CDH11: variants seen among roughly 807,000 people sequenced by gnomAD.
CDH11 encodes cadherin-11.
A neutral mutation model predicts 67.8 loss-of-function variants in CDH11; 11 were observed. The observed-to-expected ratio is 0.16, with a 90% confidence interval of 0.10 to 0.27. The LOEUF is 0.27. Ranked by LOEUF, CDH11 falls within the 10% of genes least tolerant of loss-of-function variation. CDH11 has a pLI of 1.00. For synonymous variants in CDH11, 419 were observed against 400.0 expected (o/e 1.05, Z -0.57); for missense variants, 847 against 1,031.2 (o/e 0.82, Z 2.45).
At chr16:64,982,421 T>C in intron 7 of CDH11, 120 bp from the exon 8 acceptor site, 1 of 777,722 alleles carries the variant, frequency 1.3e-6, no homozygotes. Context: ...CAGAGTCTAC[T>C]CAATTTCCAA....
intron 2 of CDH11, among the ~76,000 whole-genome samples, chr16:65,021,421 C>G (rs1597101578): frequency 6.6e-6 from 1 of 152,114 alleles, no homozygotes; most frequent in East Asian, 1.9e-4. Flanking sequence ...CTTACATCCT[C>G]TCATATGAGT....
chr16:64,945,804 A>G lies in CDH11; in HGVS notation c.*1799T>C. On this transcript the variant is annotated 3_prime_UTR_variant, in exon 13 of 13. Transcript: ENST00000268603. ...AATCATAAAAATAGTACATAACATG[A>G]TATCAAGAAATGCTTGAAACAAACT... 1 of 1,047,356 alleles carries G rather than the reference A, an allele frequency of 9.5e-7. No individual in the cohort carries two copies. Among genetic ancestry groups the G allele is most frequent in the African/African-American group, 1.7e-5 (1 of 60,184 alleles). 64.9% of individuals were successfully genotyped at this position (1,047,356 alleles called of 1,614,324 possible).
At chr16:64,982,403 G>C (rs1340881128) in intron 7 of CDH11, 102 bp from the exon 8 acceptor site, 14 of 851,800 alleles carry the variant, frequency 1.6e-5, no homozygotes, top group Admixed American at 5.1e-5. Flanking sequence ...TCCTCAAAGA[G>C]AGAAAATCAG....
intron 2 of CDH11, among the ~76,000 whole-genome samples, chr16:65,035,235 G>GAT (rs2073729713): frequency 6.6e-6 from 1 of 152,222 alleles, no homozygotes; most frequent in Non-Finnish European, 1.5e-5. Flanking sequence ...CAGGGAGTGT[G>GAT]CCCAGGGCTT....
At position 64,945,651 on chromosome 16, in the gene CDH11, A is replaced by T. The variant is rs1596996187; in HGVS notation, c.*1952T>A. On this transcript the variant is annotated 3_prime_UTR_variant, in exon 13 of 13. Coordinates refer to ENST00000268603, the MANE Select transcript of CDH11 (RefSeq NM_001797.4). ...AATGTGTAATCCTTCACTGAGATGA[A>T]AGATTCTAAAGTGACATTGTCCACA... 9.6e-7 allele frequency: 1 copy of T among 1,036,950 alleles called. No individual in the cohort carries two copies. The highest frequency in any genetic ancestry group is 1.2e-6 in the Non-Finnish European group (1 of 861,112). 64.2% of individuals were successfully genotyped at this position (1,036,950 alleles called of 1,614,324 possible). A position where few individuals can be genotyped will look rare whatever the true frequency, so the allele number is the denominator to read the frequency against.
intron 11 of CDH11, among the ~76,000 whole-genome samples, chr16:64,956,146 C>A (rs2071504852): frequency 1.3e-5 from 2 of 152,316 alleles, no homozygotes; most frequent in South Asian, 4.1e-4. Context: ...TGGGGTCAAA[C>A]AGACCTGGGT....
At chr16:64,962,479 A>G (rs2071698291) in intron 11 of CDH11, among the ~76,000 whole-genome samples, 1 of 152,142 alleles carries the variant, frequency 6.6e-6, no homozygotes, top group Non-Finnish European at 1.5e-5. Context: ...CTGGGGTAGA[A>G]AAACCTGAAC....
rs768824765 is a variant in CDH11 at position 64,992,973 on chromosome 16, G to T, written c.585C>A (p.Ala195=). ...DADDPTYGNS[A]KLVYSILEGQ... is the part of the protein sequence containing the mutation. ...CTTCGAGGATACTGTACACTAACTT[G>T]GCGCTATTTCCATAAGTGGGGTCAT... The change falls in exon 5 of 13, where the codon GCC becomes GCA. Residue 195 remains alanine, a synonymous_variant. Transcript: ENST00000268603. 2.5e-6 allele frequency: 4 copies of T among 1,611,168 alleles called. No homozygotes were observed. The highest frequency in any genetic ancestry group is 3.4e-6 in the Non-Finnish European group (4 of 1,177,612).
rs2072367335 is a variant in CDH11, at chr16:64,982,126, A to G, written c.1175T>C (p.Val392Ala). Residue 392 changes from valine (V) to alanine (A), a missense_variant, in exon 8 of 13, where the codon GTC (valine) becomes GCC (alanine). Physicochemically the swap from Val to Ala is moderately conservative, Grantham distance 64. Transcript: ENST00000268603. Reference sequence around the variant, plus strand: ...GGTGCCAGCAGCTGCATTTTCTTGGACTTCGTGGATGTAACTTGGGGCCAA... The same window carrying G: ...GGTGCCAGCAGCTGCATTTTCTTGGGCTTCGTGGATGTAACTTGGGGCCAA... ...MFLAPSYIHE[V>A]QENAAAGTVV... The G allele has an allele frequency of 1.2e-6, 2 of 1,613,914 alleles. No homozygotes were observed. The highest frequency in any genetic ancestry group is 1.7e-6 in the Non-Finnish European group (2 of 1,179,926).
At chr16:65,041,368 CTGTG>C (rs527737846) in intron 2 of CDH11, among the ~76,000 whole-genome samples, 10,541 of 152,212 alleles carry the variant, frequency 0.069, 829 homozygotes, top group East Asian at 0.24. Context: ...CTTCCACAAG[CTGTG>C]AAGAATAATC....
At chr16:65,082,690 G>C (rs937036085) in intron 1 of CDH11, among the ~76,000 whole-genome samples, 6 of 152,176 alleles carry the variant, frequency 3.9e-5, no homozygotes, top group Admixed American at 3.9e-4. Flanking sequence ...CCCAATTAAA[G>C]GCAGGATATA....
intron 7 of CDH11, chr16:64,982,563 G>C: frequency 2.5e-6 from 1 of 396,806 alleles, no homozygotes; most frequent in Admixed American, 4.1e-5. Flanking sequence ...ATTCTATATA[G>C]CAACACTAAT....
Position 64,947,763 on chromosome 16 carries a change from C to A in CDH11, c.2231G>T (p.Gly744Val). 6.2e-7 allele frequency: 1 copy of A among 1,614,132 alleles called. No homozygotes were observed. The highest frequency in any genetic ancestry group is 8.5e-7 in the Non-Finnish European group (1 of 1,180,026). The change falls in exon 13 of 13, where the codon GGT becomes GTT. Residue 744 changes from glycine (G) to valine (V), a missense_variant. By Grantham distance (109) the Gly-to-Val change is moderately radical. Transcript: ENST00000268603. ...APPYDSIQIY[G>V]YEGRGSVAGS... is the part of the protein sequence containing the mutation. ...GGCCACTGAGCCCCTGCCTTCATAA[C>A]CGTAGATTTGAATGGAGTCATAAGG...
At chr16:65,100,886 A>G (rs151129719) in intron 1 of CDH11, among the ~76,000 whole-genome samples, 513 of 152,292 alleles carry the variant, frequency 3.4e-3, no homozygotes, top group Non-Finnish European at 4.8e-3. Context: ...CACTATGTGT[A>G]ATGATATCTG....
rs756971514 is a variant in CDH11, at chr16:64,948,037, C to T, written c.1957G>A (p.Glu653Lys). Residue 653 changes from glutamate to lysine, a missense_variant, in exon 13 of 13, where the codon GAA (glutamate) becomes AAA (lysine). Physicochemically the swap from Glu to Lys is moderately conservative, Grantham distance 56. Coordinates refer to ENST00000268603, the MANE Select transcript of CDH11 (RefSeq NM_001797.4). ...QKKEPLIVFE[E>K]EDVRENIITY... ...ATGATGTTCTCACGGACATCTTCTT[C>T]CTCAAAGACAATGAGTGGTTCTTTC... The T allele has an allele frequency of 1.2e-6, 2 of 1,614,158 alleles. No individual in the cohort carries two copies. Among genetic ancestry groups the T allele is most frequent in the East Asian group, 2.2e-5 (1 of 44,874 alleles).
chr16:64,954,780 T>C (rs1222748746), intron 11 of CDH11, among the ~76,000 whole-genome samples: 1 of 152,042 alleles, frequency 6.6e-6, no homozygotes, highest in Non-Finnish European at 1.5e-5. Flanking sequence ...GGCCTGTCCT[T>C]CTTGTGATCC....
intron 1 of CDH11, among the ~76,000 whole-genome samples, chr16:65,083,977 T>G (rs919553495): frequency 6.6e-6 from 1 of 152,144 alleles, no homozygotes; most frequent in African/African-American, 2.4e-5. Flanking sequence ...ATTTCCCTTG[T>G]CACGACTGAA....
At chr16:65,081,803 G>C (rs2074615526) in intron 1 of CDH11, among the ~76,000 whole-genome samples, 1 of 152,138 alleles carries the variant, frequency 6.6e-6, no homozygotes, top group African/African-American at 2.4e-5. Context: ...ATTTCAAACA[G>C]CTATATTGTA....
At chr16:65,014,894 T>A (rs2073265802) in intron 2 of CDH11, among the ~76,000 whole-genome samples, 1 of 151,802 alleles carries the variant, frequency 6.6e-6, no homozygotes, top group Non-Finnish European at 1.5e-5. Context: ...TCGCTCTTTT[T>A]GGCCAGGCTG....
Sources: gnomAD v4.1 joint callset for allele counts (sites outside exome capture counted in the v4.1 genomes callset) on GRCh38, gnomAD v4.1.1 for gene constraint, MANE v1.5 for transcripts, NCBI Gene and HGNC (gene_info 2026-07-23, HGNC 2026-07-21) for gene names.